ANKRD36: variants seen among roughly 807,000 people sequenced by gnomAD.
ANKRD36 encodes the protein ankyrin repeat domain 36, also known as ankyrin repeat domain-containing protein 36A.
A neutral mutation model predicts 278.1 loss-of-function variants in ANKRD36; 179 were observed. That is an observed-to-expected ratio of 0.64 (90% CI 0.57 to 0.73). The LOEUF (loss-of-function observed/expected upper bound fraction) is 0.73. Ranked by LOEUF, ANKRD36 falls within the 30% of genes least tolerant of loss-of-function variation. ANKRD36 has a pLI of 0.00. For synonymous variants in ANKRD36, 320 were observed against 641.1 expected, an observed-to-expected ratio of 0.50 and a Z score of 7.57; for missense variants, 1,159 against 1,956.7, an observed-to-expected ratio of 0.59 and a Z score of 7.69.
intron 56 of ANKRD36, among the ~76,000 whole-genome samples, 155 bp from the exon 57 acceptor site, chr2:97,211,391 C>A (rs1479856173): frequency 5.3e-5 from 8 of 151,862 alleles, no homozygotes; most frequent in Non-Finnish European, 8.8e-5. Flanking sequence ...CAGTGTATTT[C>A]TGTCATGTTC....
At chr2:97,211,008 G>A (rs1194684457) in intron 56 of ANKRD36, among the ~76,000 whole-genome samples, 1 of 151,896 alleles carries the variant, frequency 6.6e-6, no homozygotes, top group Admixed American at 6.6e-5. Flanking sequence ...TCAGCAAGCA[G>A]ATATCCAAGG....
rs1469348219 is a variant in ANKRD36 at position 97,193,062 on chromosome 2, GAA to G, written c.2449+12_2449+13del. The stretch of plus-strand genomic sequence containing the variant: ...AGAAAAATCTAGGACAGGTAATTTT[GAA>G]AAGAGATTTAATGTCATGTTCAGTG... On this transcript the variant is annotated intron_variant, in intron 38 of 75. Coordinates refer to ENST00000420699, the MANE Select transcript of ANKRD36 (RefSeq NM_001354587.1). The G allele has an allele frequency of 3.2e-6, 5 of 1,539,512 alleles. No individual in the cohort carries two copies. The East Asian group carries it at 9.7e-5, about 30-fold the overall frequency.
At position 97,194,735 on chromosome 2, in the gene ANKRD36, G is replaced by A. The variant is rs756384967; in HGVS notation, c.2459G>A (p.Arg820Gln). Residue 820 changes from arginine to glutamine, a missense_variant, in exon 39 of 76, where the codon CGG becomes CAG. By Grantham distance (43) the Arg-to-Gln change is conservative. Transcript: ENST00000420699. ...DGEKSRTVSS[R>Q]KKPALKATSD... ...CCCTTTTGCTTTTCAGTGTCTTCTC[G>A]GAAAAAACCAGCCTTGAAGGTAATG... The A allele has an allele frequency of 1.0e-4, 161 of 1,604,352 alleles. No individual in the cohort carries two copies. Among genetic ancestry groups the A allele is most frequent in the African/African-American group, 3.5e-4 (26 of 74,620 alleles).
rs142828107 is a variant in ANKRD36 at position 97,192,796 on chromosome 2, A to T, written c.2348-62A>T. 1.8e-4 allele frequency: 279 copies of T among 1,542,252 alleles called. 9 individuals are homozygous for T. In the East Asian group the frequency reaches 5.2e-3, roughly 29 times the overall value. On this transcript the variant is annotated intron_variant, in intron 36 of 75. Transcript: ENST00000420699. ...CAGAGGTTGATACAAACACTTCATG[A>T]ATGTATGGATAACTTTGTCATAGTT...
intron 48 of ANKRD36, among the ~76,000 whole-genome samples, chr2:97,203,260 T>A (rs2061892988): frequency 6.6e-6 from 1 of 151,838 alleles, no homozygotes; most frequent in South Asian, 2.1e-4. Flanking sequence ...AATTAACTCC[T>A]AAAATGCTCA....
At chr2:97,170,397 G>A (rs912312443) in intron 22 of ANKRD36, among the ~76,000 whole-genome samples, 3 of 151,762 alleles carry the variant, frequency 2.0e-5, no homozygotes, top group East Asian at 1.9e-4. Flanking sequence ...CAGAAATAAC[G>A]CTGCATATCT....
In ANKRD36 at chr2:97,118,054, A is replaced by G; in HGVS notation, c.198-10A>G. The G allele has an allele frequency of 7.7e-6, 12 of 1,549,560 alleles. No individual in the cohort carries two copies. The highest frequency in any genetic ancestry group is 9.6e-6 in the Non-Finnish European group (11 of 1,146,052). ...GTTACATGTTTTAAAAAGTCCTGTCACTCTCACAGGACCGCCCTACATTTG... is the reference window on the plus strand; with the variant it reads ...GTTACATGTTTTAAAAAGTCCTGTCGCTCTCACAGGACCGCCCTACATTTG... On this transcript the variant is annotated splice_polypyrimidine_tract_variant and intron_variant, in intron 1 of 75. Coordinates refer to ENST00000420699, the MANE Select transcript of ANKRD36 (RefSeq NM_001354587.1).
At chr2:97,233,047 C>G (rs1432136611) in intron 67 of ANKRD36, among the ~76,000 whole-genome samples, 1 of 151,390 alleles carries the variant, frequency 6.6e-6, no homozygotes, top group Non-Finnish European at 1.5e-5. Flanking sequence ...TCTGTTGTTA[C>G]AAACAGTACA....
At chr2:97,147,994 G>T (rs1219120702) in intron 11 of ANKRD36, among the ~76,000 whole-genome samples, 1 of 151,922 alleles carries the variant, frequency 6.6e-6, no homozygotes, top group Non-Finnish European at 1.5e-5. Context: ...ATTGAAAAAT[G>T]TTAAAAGAAT....
chr2:97,150,495 T>G (rs2045623179), intron 12 of ANKRD36, among the ~76,000 whole-genome samples: 1 of 152,236 alleles, frequency 6.6e-6, no homozygotes, highest in Non-Finnish European at 1.5e-5. Context: ...GTAAATGGGC[T>G]TTCTCATGAT....
rs188868103 is a variant in ANKRD36, at chr2:97,196,578, C to A, written c.2552-15C>A. The A allele has an allele frequency of 1.4e-5, 23 of 1,604,662 alleles. No individual in the cohort carries two copies. Among genetic ancestry groups the A allele is most frequent in the South Asian group, 1.1e-4 (10 of 90,712 alleles). ...ATTTATGTATGACTGATTATGAATCCCTTTTGCTTTTCAGTGTCTTCTCAG... is the reference window on the plus strand; with the variant it reads ...ATTTATGTATGACTGATTATGAATCACTTTTGCTTTTCAGTGTCTTCTCAG... On this transcript the variant is annotated splice_polypyrimidine_tract_variant and intron_variant, in intron 40 of 75. Transcript: ENST00000420699.
chr2:97,226,825 G>A (rs1341706214), intron 67 of ANKRD36, among the ~76,000 whole-genome samples: 1 of 151,496 alleles, frequency 6.6e-6, no homozygotes. Context: ...AAGGGATCCA[G>A]TTGCAGCTTT....
chr2:97,170,140 T>C (rs1381756184), intron 22 of ANKRD36, among the ~76,000 whole-genome samples: 1 of 151,916 alleles, frequency 6.6e-6, no homozygotes, highest in Admixed American at 6.6e-5. Context: ...AACCGTATGA[T>C]CTTTGACAAA....
chr2:97,147,707 G>A (rs2044645562), intron 11 of ANKRD36, among the ~76,000 whole-genome samples: 1 of 151,886 alleles, frequency 6.6e-6, no homozygotes, highest in African/African-American at 2.4e-5. Flanking sequence ...AGAATTGAAT[G>A]AGCTGTTGAA....
At chr2:97,165,969 G>C (rs1240707148) in intron 20 of ANKRD36, among the ~76,000 whole-genome samples, 6 of 152,066 alleles carry the variant, frequency 3.9e-5, no homozygotes, top group African/African-American at 7.2e-5. Flanking sequence ...GATTTCTGAA[G>C]ATGTTGCTGC....
chr2:97,154,035 C>A (rs1350088195), intron 14 of ANKRD36, among the ~76,000 whole-genome samples: 1 of 148,802 alleles, frequency 6.7e-6, no homozygotes, highest in African/African-American at 2.4e-5. Context: ...TTTTAATCTT[C>A]TGTGAAGAAT....
intron 67 of ANKRD36, among the ~76,000 whole-genome samples, chr2:97,226,532 G>A (rs1183449065): frequency 6.6e-6 from 1 of 151,062 alleles, no homozygotes; most frequent in African/African-American, 2.5e-5. Context: ...TTAGCCCTTT[G>A]TCAGATGAGT....
chr2:97,256,427 A>T (rs2076229068), intron 75 of ANKRD36, among the ~76,000 whole-genome samples: 1 of 150,886 alleles, frequency 6.6e-6, no homozygotes, highest in Admixed American at 6.6e-5. Flanking sequence ...TTTCTTCTTG[A>T]TTCAGTCTTG....
chr2:97,145,958 A>C (rs1324380164), intron 10 of ANKRD36, among the ~76,000 whole-genome samples: 1 of 152,084 alleles, frequency 6.6e-6, no homozygotes, highest in Non-Finnish European at 1.5e-5. Flanking sequence ...TTGTCCGGCA[A>C]GTCAAAGAGC....
Sources: allele counts gnomAD v4.1 joint callset (sites outside exome capture counted in the v4.1 genomes callset), GRCh38; gene constraint gnomAD v4.1.1; transcripts MANE v1.5; gene names NCBI Gene and HGNC (gene_info 2026-07-23, HGNC 2026-07-21).